The following MTUS2 variants were observed in gnomAD, a reference collection of about 807,000 sequenced individuals.
MTUS2 encodes the protein microtubule-associated tumor suppressor candidate 2.
A neutral mutation model predicts 114.1 loss-of-function variants in MTUS2; 40 were observed. That is an observed-to-expected ratio of 0.35 (90% CI 0.27 to 0.46). The LOEUF (loss-of-function observed/expected upper bound fraction) is 0.46. MTUS2 is among the 20% of genes least tolerant of loss of function. The pLI is 1.00. For missense variants in MTUS2, 1,679 were observed against 1,705.4 expected (o/e 0.98, Z 0.27); for synonymous variants, 688 against 672.0 (o/e 1.02, Z -0.37).
chr13:29,063,104 G>A (rs114706792), intron 4 of MTUS2, among the ~76,000 whole-genome samples: 2,465 of 152,162 alleles, frequency 0.016, 70 homozygotes, highest in African/African-American at 0.056. Flanking sequence ...CTAAGATCGT[G>A]TATTTTAAAA....
chr13:29,202,653 T>C (rs1895009040), intron 5 of MTUS2, among the ~76,000 whole-genome samples: 1 of 152,160 alleles, frequency 6.6e-6, no homozygotes, highest in Non-Finnish European at 1.5e-5. Flanking sequence ...TTATCTACCT[T>C]TGGTCTTTGA....
intron 6 of MTUS2, among the ~76,000 whole-genome samples, chr13:29,304,089 A>G (rs370901335): frequency 6.6e-6 from 1 of 152,188 alleles, no homozygotes; most frequent in African/African-American, 2.4e-5. Context: ...GCAAATGCTT[A>G]GGGAATTCAT....
intron 2 of MTUS2, among the ~76,000 whole-genome samples, chr13:28,848,120 T>TA (rs1876010839): frequency 6.6e-6 from 1 of 152,120 alleles, no homozygotes. Context: ...ATATATATAT[T>TA]GAATGCCTGC....
chr13:29,147,422 G>T (rs1892482587), intron 5 of MTUS2, among the ~76,000 whole-genome samples: 1 of 152,104 alleles, frequency 6.6e-6, no homozygotes, highest in Non-Finnish European at 1.5e-5. Flanking sequence ...CTAAAATTAT[G>T]CCCATTTTAA....
chr13:29,214,558 G>A (rs1015048159), intron 5 of MTUS2, among the ~76,000 whole-genome samples: 1 of 152,144 alleles, frequency 6.6e-6, no homozygotes, highest in African/African-American at 2.4e-5. Flanking sequence ...AGGCCTTGTG[G>A]TGACAATATC....
At chr13:29,134,950 G>T (rs1022923082) in intron 5 of MTUS2, among the ~76,000 whole-genome samples, 1 of 152,068 alleles carries the variant, frequency 6.6e-6, no homozygotes, top group African/African-American at 2.4e-5. Flanking sequence ...TATACAGTAG[G>T]CCCCTTTATC....
At chr13:29,116,706 C>T (rs1179425324) in intron 5 of MTUS2, among the ~76,000 whole-genome samples, 3 of 152,114 alleles carry the variant, frequency 2.0e-5, no homozygotes, top group Non-Finnish European at 4.4e-5. Flanking sequence ...TAAGACGCCG[C>T]CACAGTCCAT....
At chr13:29,238,228 AAAG>A (rs1234463310) in intron 5 of MTUS2, among the ~76,000 whole-genome samples, 1 of 152,250 alleles carries the variant, frequency 6.6e-6, no homozygotes, top group Non-Finnish European at 1.5e-5. Flanking sequence ...CAGCCTTTAA[AAAG>A]AAGGAGATCC....
At position 29,216,564 on chromosome 13, in the gene MTUS2, A is replaced by G. The variant is rs892992388; in HGVS notation, c.2645-65140A>G. 2.0e-5 allele frequency among the ~76,000 whole-genome samples: 3 copies of G among 152,294 alleles called. 1 individual carries two copies. The highest frequency in any genetic ancestry group is 6.8e-3 in the Middle Eastern group (2 of 294). ...GAAAAAACTGTGGGAAAAGGATAGT[A>G]TCTGGGCTGGATAGCAGAGTCCCTT... On this transcript the variant is annotated intron_variant, in intron 5 of 15. Transcript: ENST00000612955.
At chr13:29,071,409 A>ATTTTTTTGTTTTT (rs1888922412) in intron 4 of MTUS2, among the ~76,000 whole-genome samples, 1 of 46,082 alleles carries the variant, frequency 2.2e-5, no homozygotes, top group Non-Finnish European at 3.5e-5. Flanking sequence ...TGTTGCTTGA[A>ATTTTTTTGTTTTT]TTTTTTTTTT....
intron 9 of MTUS2, among the ~76,000 whole-genome samples, chr13:29,465,096 C>T (rs191188134): frequency 6.6e-6 from 1 of 152,128 alleles, no homozygotes; most frequent in Non-Finnish European, 1.5e-5. Flanking sequence ...GTTCAATAAC[C>T]CTCTCTACAC....
At chr13:29,403,936 C>T (rs528530494) in intron 8 of MTUS2, among the ~76,000 whole-genome samples, 3 of 152,002 alleles carry the variant, frequency 2.0e-5, no homozygotes, top group African/African-American at 7.2e-5. Context: ...TTTATCCTTC[C>T]AGGACATTCC....
At chr13:29,191,849 C>G (rs1435614048) in intron 5 of MTUS2, among the ~76,000 whole-genome samples, 2 of 152,192 alleles carry the variant, frequency 1.3e-5, no homozygotes, top group Non-Finnish European at 2.9e-5. Context: ...ACACAATCAT[C>G]AATTTCTATG....
chr13:28,925,300 A>G (rs1426347236), intron 2 of MTUS2, among the ~76,000 whole-genome samples: 2 of 152,196 alleles, frequency 1.3e-5, no homozygotes, highest in Non-Finnish European at 2.9e-5. Flanking sequence ...TGATTGAACA[A>G]TTAACGAATT....
In MTUS2 at chr13:29,258,069, G is replaced by A. The variant is rs2992389; in HGVS notation, c.2645-23635G>A. Among the ~76,000 whole-genome samples the A allele has an allele frequency of 3.9e-3, 588 of 152,276 alleles. 5 individuals are homozygous for A. Among genetic ancestry groups the A allele is most frequent in the African/African-American group, 0.014 (565 of 41,550 alleles). On this transcript the variant is annotated intron_variant, in intron 5 of 15. Transcript: ENST00000612955. ...TGCCTAACTAATTAGCACACACTTA[G>A]CTGCTAAAAACACCTATTGAGTAGC...
At chr13:29,056,353 G>A (rs1888133198) in intron 4 of MTUS2, among the ~76,000 whole-genome samples, 1 of 151,894 alleles carries the variant, frequency 6.6e-6, no homozygotes, top group Non-Finnish European at 1.5e-5. Flanking sequence ...TTCCCCTGTT[G>A]CTTGTTTTTG....
chr13:28,904,163 C>T (rs937705582), intron 2 of MTUS2, among the ~76,000 whole-genome samples: 1 of 152,054 alleles, frequency 6.6e-6, no homozygotes, highest in African/African-American at 2.4e-5. Flanking sequence ...GATATTAGCC[C>T]TTTGTCAGAT....
intron 2 of MTUS2, among the ~76,000 whole-genome samples, chr13:28,865,992 C>T (rs900541000): frequency 1.1e-4 from 16 of 152,112 alleles, no homozygotes; most frequent in East Asian, 1.9e-4. Flanking sequence ...ATTTCAAAAG[C>T]GAATAGAATG....
At chr13:29,427,299 G>GTT (rs111598163) in intron 8 of MTUS2, among the ~76,000 whole-genome samples, 1 of 152,024 alleles carries the variant, frequency 6.6e-6, no homozygotes, top group African/African-American at 2.4e-5. Context: ...TGTTTGCTTT[G>GTT]TTTTTTTATA....
Sources: allele counts gnomAD v4.1 joint callset (sites outside exome capture counted in the v4.1 genomes callset), GRCh38; gene constraint gnomAD v4.1.1; transcripts MANE v1.5; gene names NCBI Gene and HGNC (gene_info 2026-07-23, HGNC 2026-07-21).